PLEKHG2: variants seen among roughly 807,000 people sequenced by gnomAD.
The protein encoded by PLEKHG2 is pleckstrin homology domain-containing family G member 2.
A neutral mutation model predicts 104.4 loss-of-function variants in PLEKHG2; 71 were observed. That is an observed-to-expected ratio of 0.68 (90% CI 0.56 to 0.83). The LOEUF is 0.83. PLEKHG2 is among the 40% of genes least tolerant of loss of function. PLEKHG2 has a pLI of 0.00. For missense variants in PLEKHG2, 1,730 were observed against 1,809.4 expected (o/e 0.96, Z 0.80); for synonymous variants, 728 against 737.0 (o/e 0.99, Z 0.20).
Position 39,425,701 on chromosome 19 carries a change from G to T in PLEKHG2, c.*407G>T. 1 of 297,506 alleles carries T rather than the reference G, an allele frequency of 3.4e-6. No individual in the cohort carries two copies. The highest frequency in any genetic ancestry group is 6.1e-6 in the Non-Finnish European group (1 of 162,830). 18.4% of individuals were successfully genotyped at this position (297,506 alleles called of 1,614,324 possible). ...AACTGCTTGATGCCCATCCAGGAAA[G>T]CCAAGTTAAGAAGCTTTGCTTCAAG... is the stretch of plus-strand genomic sequence containing the variant. On this transcript the variant is annotated 3_prime_UTR_variant, in exon 19 of 19. Transcript: ENST00000425673.
Position 39,416,926 on chromosome 19 carries a change from C to A in PLEKHG2, c.670C>A (p.Arg224Ser), listed in dbSNP as rs150730778. The A allele has an allele frequency of 6.2e-7, 1 of 1,613,312 alleles. No homozygotes were observed. Among genetic ancestry groups the A allele is most frequent in the Non-Finnish European group, 8.5e-7 (1 of 1,179,936 alleles). The change falls in exon 7 of 19, where the codon CGC becomes AGC. Residue 224 changes from arginine (R) to serine (S), a missense_variant. Physicochemically the swap from Arg to Ser is moderately radical, Grantham distance 110. Coordinates refer to ENST00000425673, the MANE Select transcript of PLEKHG2 (RefSeq NM_022835.3). This position sits in a 1 kb window ranked among gnomAD's most constrained non-coding sequence, Gnocchi z 4.5. ...LWLQERQAQL[R>S]HSLPLQSFLL... is the part of the protein sequence containing the mutation. ...GCTGCAGGAGCGCCAGGCCCAGCTT[C>A]GCCACTCGCTGCCCCTGCAGAGCTT... is the stretch of plus-strand genomic sequence containing the variant.
chr19:39,413,910 C>G lies in PLEKHG2; in HGVS notation c.-22-155C>G. The G allele has an allele frequency of 1.8e-6, 1 of 544,706 alleles. No individual in the cohort carries two copies. Among genetic ancestry groups the G allele is most frequent in the Non-Finnish European group, 3.3e-6 (1 of 301,224 alleles). The allele number at this position is 544,706 out of a possible 1,614,324, so 33.7% of individuals were successfully genotyped here. On this transcript the variant is annotated intron_variant, in intron 1 of 18. Coordinates refer to ENST00000425673, the MANE Select transcript of PLEKHG2 (RefSeq NM_022835.3). The surrounding 1 kb of genome is among the most constrained non-coding windows in gnomAD (Gnocchi z 4.5). ...TCGCCAGGTTCTCTCTCCTTGTCCC[C>G]TTCTTTCTGTCACTTTGTGCCTCCC...
In PLEKHG2 at chr19:39,425,345, A is replaced by G; in HGVS notation, c.*51A>G. On this transcript the variant is annotated 3_prime_UTR_variant, in exon 19 of 19. Coordinates refer to ENST00000425673, the MANE Select transcript of PLEKHG2 (RefSeq NM_022835.3). ...CAAGGATTTCAGCCAGATGCCATAG[A>G]CCCTCAGAACTTGACCTGGAAGTCC... 5.8e-6 allele frequency: 9 copies of G among 1,556,970 alleles called. No homozygotes were observed. The highest frequency in any genetic ancestry group is 7.8e-6 in the Non-Finnish European group (9 of 1,154,832).
At position 39,422,629 on chromosome 19, in the gene PLEKHG2, C is replaced by T. The variant is rs1234563361; in HGVS notation, c.1678-103C>T. 6.4e-6 allele frequency: 9 copies of T among 1,402,840 alleles called. No individual in the cohort carries two copies. The Admixed American group carries it at 1.3e-4, about 21-fold the overall frequency. 86.9% of individuals were successfully genotyped at this position (1,402,840 alleles called of 1,614,324 possible). On this transcript the variant is annotated intron_variant, in intron 17 of 18. Coordinates refer to ENST00000425673, the MANE Select transcript of PLEKHG2 (RefSeq NM_022835.3). The stretch of plus-strand genomic sequence containing the variant: ...GTCTCGAACTCGTAACCTCAAGTGA[C>T]CCGCCCACTTCAGCCTCCCAAAGTG...
rs1206170394 is a variant in PLEKHG2 at position 39,413,380 on chromosome 19, T to G, written c.-55T>G. 3.9e-5 allele frequency: 6 copies of G among 152,148 alleles called. No homozygotes were observed. Among genetic ancestry groups the G allele is most frequent in the Admixed American group, 1.3e-4 (2 of 15,300 alleles). The allele number at this position is 152,148 out of a possible 1,614,324, so 9.4% of individuals were successfully genotyped here. A position where few individuals can be genotyped will look rare whatever the true frequency, so the allele number is the denominator to read the frequency against. ...CGTCGGGGTCGCGCAGGAGCCGGGC[T>G]GCCTCGAGCCGGGGCTGGAGGCTCC... On this transcript the variant is annotated 5_prime_UTR_variant, in exon 1 of 19. Transcript: ENST00000425673. This position sits in a 1 kb window ranked among gnomAD's most constrained non-coding sequence, Gnocchi z 4.5.
At position 39,413,235 on chromosome 19, in the gene PLEKHG2, A is replaced by C. The variant is rs929990192; in HGVS notation, c.-200A>C. ...AGGCTCCTAGCATCCCCTACGTAGA[A>C]CACTGAGAAATTCCGACTGCGGGAC... is the stretch of plus-strand genomic sequence containing the variant. On this transcript the variant is annotated 5_prime_UTR_variant, in exon 1 of 19. Transcript: ENST00000425673. The surrounding 1 kb of genome is among the most constrained non-coding windows in gnomAD (Gnocchi z 4.5). 2 of 152,220 alleles carry C rather than the reference A, an allele frequency of 1.3e-5. No individual in the cohort carries two copies. Among genetic ancestry groups the C allele is most frequent in the African/African-American group, 4.8e-5 (2 of 41,434 alleles). The allele number at this position is 152,220 out of a possible 1,614,324, so 9.4% of individuals were successfully genotyped here. A position where few individuals can be genotyped will look rare whatever the true frequency, so the allele number is the denominator to read the frequency against.
In PLEKHG2 at chr19:39,415,427, A is replaced by G. The variant is rs749450588; in HGVS notation, c.467A>G (p.Tyr156Cys). The change falls in exon 4 of 19, where the codon TAC becomes TGC. Residue 156 changes from tyrosine (Y) to cysteine (C), a missense_variant. Transcript: ENST00000425673. This position sits in a 1 kb window ranked among gnomAD's most constrained non-coding sequence, Gnocchi z 4.6. ...CTGTTTGCCAACATTGAGGACATCT[A>G]CGAGTTCAGCAGGTCAGGGGCAGGG... The part of the protein sequence containing the change: ...GTLFANIEDI[Y>C]EFSSELLEDL... 4 of 1,614,018 alleles carry G rather than the reference A, an allele frequency of 2.5e-6. 1 individual carries two copies. The South Asian group carries it at 3.3e-5, about 13-fold the overall frequency.
rs748610992 is a variant in PLEKHG2 at position 39,415,066 on chromosome 19, G to A, written c.184G>A (p.Gly62Arg). The A allele has an allele frequency of 1.9e-6, 3 of 1,592,644 alleles. No individual in the cohort carries two copies. Among genetic ancestry groups the A allele is most frequent in the African/African-American group, 1.3e-5 (1 of 74,226 alleles). The change falls in exon 3 of 19, where the codon GGG becomes AGG. Residue 62 changes from glycine to arginine, a missense_variant. Coordinates refer to ENST00000425673, the MANE Select transcript of PLEKHG2 (RefSeq NM_022835.3). The surrounding 1 kb of genome is among the most constrained non-coding windows in gnomAD (Gnocchi z 4.6). The part of the protein sequence containing the change: ...STSLSTVGSE[G>R]DPAPGPTPAC... ...ATCCCTGAGCACAGTGGGCTCTGAG[G>A]GGGATCCAGCCCCTGGGCCCACTCC...
intron 11 of PLEKHG2, 142 bp from the exon 12 acceptor site, chr19:39,420,484 A>C: frequency 2.0e-6 from 2 of 982,050 alleles, no homozygotes; most frequent in Non-Finnish European, 3.2e-6. Context: ...TGATTGCACC[A>C]CTGTACTCCA....
At chr19:39,422,345 C>G in intron 17 of PLEKHG2, 57 bp downstream of exon 17, 1 of 1,550,442 alleles carries the variant, frequency 6.4e-7, no homozygotes, top group Admixed American at 1.9e-5. Flanking sequence ...GCACACAGAC[C>G]AGGGACCAGA....
rs1015211692 is a variant in PLEKHG2, at chr19:39,412,696, GCC to G, written c.-736_-735del. The G allele has an allele frequency of 6.6e-6, 1 of 152,246 alleles. No individual in the cohort carries two copies. Among genetic ancestry groups the G allele is most frequent in the African/African-American group, 2.4e-5 (1 of 41,466 alleles). 9.4% of individuals were successfully genotyped at this position (152,246 alleles called of 1,614,324 possible). Reference sequence around the variant, plus strand: ...ATGTGGCGCCGCCGCCGTCACACGAGCCCCGTGACACCCAGCCGGGAGCCCGA... The same window carrying G: ...ATGTGGCGCCGCCGCCGTCACACGAGCCGTGACACCCAGCCGGGAGCCCGA... On this transcript the variant is annotated 5_prime_UTR_variant, in exon 1 of 19. The change abolishes the stop of an existing upstream ORF in the 5' untranslated region. Transcript: ENST00000425673.
rs761370460 is a variant in PLEKHG2 at position 39,422,221 on chromosome 19, C to T, written c.1610C>T (p.Pro537Leu). The change falls in exon 17 of 19, where the codon CCC (proline) becomes CTC (leucine). Residue 537 changes from proline (P) to leucine (L), a missense_variant. Physicochemically the swap from Pro to Leu is moderately conservative, Grantham distance 98 (BLOSUM62 -3). Coordinates refer to ENST00000425673, the MANE Select transcript of PLEKHG2 (RefSeq NM_022835.3). The part of the protein sequence containing the change: ...LEDAGPPTLD[P>L]SGTSITEEIL... ...GATGCTGGACCCCCAACACTGGACC[C>T]CTCTGGGACCTCAATCACTGAAGAA... 1 of 1,613,880 alleles carries T rather than the reference C, an allele frequency of 6.2e-7. No individual in the cohort carries two copies. Among genetic ancestry groups the T allele is most frequent in the South Asian group, 1.1e-5 (1 of 91,010 alleles).
rs777529534 is a variant in PLEKHG2, at chr19:39,415,021, C to G, written c.139C>G (p.Arg47Gly). 3.1e-6 allele frequency: 5 copies of G among 1,597,774 alleles called. No individual in the cohort carries two copies. The South Asian group carries it at 4.5e-5, about 14-fold the overall frequency. Residue 47 changes from arginine to glycine, a missense_variant, in exon 3 of 19, where the codon CGA (arginine) becomes GGA (glycine). Transcript: ENST00000425673. The surrounding 1 kb of genome is among the most constrained non-coding windows in gnomAD (Gnocchi z 4.6). Reference protein sequence around the residue: ...APAAPTMASPRGSGSSTSLST... With the variant: ...APAAPTMASPGGSGSSTSLST... ...TGCAGCCCCCACCATGGCCTCCCCC[C>G]GAGGTTCTGGGAGCTCCACATCCCT...
chr19:39,424,517 A>G lies in PLEKHG2; in HGVS notation c.3384A>G (p.Pro1128=). The G allele has an allele frequency of 6.2e-7, 1 of 1,613,812 alleles. No individual in the cohort carries two copies. The highest frequency in any genetic ancestry group is 8.5e-7 in the Non-Finnish European group (1 of 1,179,934). ...ACCATCGGATCCCAGCCAACGCCCC[A>G]CTGTCTTTGTCCCAGGAGCTCCCAG... ...HLDHRIPANA[P]LSLSQELPDT... The change falls in exon 19 of 19, where the codon CCA becomes CCG. Residue 1128 remains proline, a synonymous_variant. Transcript: ENST00000425673.
At position 39,423,340 on chromosome 19, in the gene PLEKHG2, C is replaced by T. The variant is rs769909514; in HGVS notation, c.2286C>T (p.Arg762=). ...HQGFPDELAF[R]SCSEIRSAWQ... is the part of the protein sequence containing the mutation. Reference sequence around the variant, plus strand: ...GATTCCCAGATGAGCTGGCATTCCGCTCTTGCTCAGAAATCCGGAGCGCCT... The same window carrying T: ...GATTCCCAGATGAGCTGGCATTCCGTTCTTGCTCAGAAATCCGGAGCGCCT... The change falls in exon 18 of 19, where the codon CGC becomes CGT. Residue 762 remains arginine, a synonymous_variant. Coordinates refer to ENST00000425673, the MANE Select transcript of PLEKHG2 (RefSeq NM_022835.3). 1 of 1,613,984 alleles carries T rather than the reference C, an allele frequency of 6.2e-7. No homozygotes were observed. Among genetic ancestry groups the T allele is most frequent in the South Asian group, 1.1e-5 (1 of 91,080 alleles).
intron 17 of PLEKHG2, 93 bp downstream of exon 17, chr19:39,422,381 A>ATTTTTTTTTTTTTTTTTTTTTT: frequency 8.2e-7 from 1 of 1,220,652 alleles, no homozygotes; most frequent in Non-Finnish European, 1.1e-6. Context: ...TGATACCTTT[A>ATTTTTTTTTTTTTTTTTTTTTT]TTTTTTTTTT....
rs1243572361 is a variant in PLEKHG2, at chr19:39,424,554, C to T, written c.3421C>T (p.Pro1141Ser). 7 of 1,614,152 alleles carry T rather than the reference C, an allele frequency of 4.3e-6. No individual in the cohort carries two copies. Among genetic ancestry groups the T allele is most frequent in the Non-Finnish European group, 5.1e-6 (6 of 1,180,038 alleles). The change falls in exon 19 of 19, where the codon CCA becomes TCA. Residue 1141 changes from proline to serine, a missense_variant. By Grantham distance (74) the Pro-to-Ser change is moderately conservative. Transcript: ENST00000425673. ...LSQELPDTQV[P>S]ATTPLPLPQV... is the part of the protein sequence containing the mutation. ...CCAGGAGCTCCCAGACACTCAGGTT[C>T]CAGCTACCACACCTTTGCCCCTGCC... is the stretch of plus-strand genomic sequence containing the variant.
chr19:39,423,877 A>G lies in PLEKHG2; in HGVS notation c.2744A>G (p.Gln915Arg). Reference sequence around the variant, plus strand: ...AAGCAGGGAGGCAGCCCGGATGGCCAGGGTCTACATGTTTCCAATTTGCCT... The same window carrying G: ...AAGCAGGGAGGCAGCCCGGATGGCCGGGGTCTACATGTTTCCAATTTGCCT... Reference protein sequence around the residue: ...LSKQGGSPDGQGLHVSNLPKQ... With the variant: ...LSKQGGSPDGRGLHVSNLPKQ... The change falls in exon 19 of 19, where the codon CAG becomes CGG. Residue 915 changes from glutamine to arginine, a missense_variant. Physicochemically the swap from Gln to Arg is conservative, Grantham distance 43. Transcript: ENST00000425673. 6.2e-7 allele frequency: 1 copy of G among 1,614,214 alleles called. No homozygotes were observed. The highest frequency in any genetic ancestry group is 8.5e-7 in the Non-Finnish European group (1 of 1,180,036).
In PLEKHG2 at chr19:39,426,447, G is replaced by A. The variant is rs886280695; in HGVS notation, c.*1153G>A. 2.0e-5 allele frequency: 3 copies of A among 152,232 alleles called. No individual in the cohort carries two copies. Among genetic ancestry groups the A allele is most frequent in the African/African-American group, 7.2e-5 (3 of 41,458 alleles). The allele number at this position is 152,232 out of a possible 1,614,324, so 9.4% of individuals were successfully genotyped here. On this transcript the variant is annotated 3_prime_UTR_variant, in exon 19 of 19. Coordinates refer to ENST00000425673, the MANE Select transcript of PLEKHG2 (RefSeq NM_022835.3). ...CTGTCTGCCCCCTTGTTCCAGCAGTGGTATGCCCAGTGAGAGGCACAATTT... is the reference window on the plus strand; with the variant it reads ...CTGTCTGCCCCCTTGTTCCAGCAGTAGTATGCCCAGTGAGAGGCACAATTT...
Sources: gnomAD v4.1 joint callset for allele counts on GRCh38, gnomAD v4.1.1 for gene constraint, Gnocchi (gnomAD v3.1) non-coding constraint, MANE v1.5 for transcripts, NCBI Gene and HGNC (gene_info 2026-07-23, HGNC 2026-07-21) for gene names.